The following LSM1 variants were observed in gnomAD, a reference collection of about 807,000 sequenced individuals.
The protein encoded by LSM1 is U6 snRNA-associated Sm-like protein LSm1.
In LSM1, 13 loss-of-function variants were observed where a neutral mutation model predicts 18.0. The observed-to-expected ratio is 0.72, with a 90% confidence interval of 0.47 to 1.15. The LOEUF is 1.15. Ranked by LOEUF, LSM1 falls within the 50% of genes most tolerant of loss-of-function variation. The probability of loss-of-function intolerance (pLI) is 0.00; values close to 1 mark genes in which losing one functional copy is unlikely to be tolerated. For missense variants in LSM1, 152 were observed against 157.7 expected, an observed-to-expected ratio of 0.96 and a Z score of 0.19; for synonymous variants, 46 against 56.0, an observed-to-expected ratio of 0.82 and a Z score of 0.80.
rs1280526506 is a variant in LSM1 at position 38,176,457 on chromosome 8, T to A, written c.-137A>T. 2.9e-6 allele frequency: 2 copies of A among 688,164 alleles called. No individual in the cohort carries two copies. Among genetic ancestry groups the A allele is most frequent in the South Asian group, 3.6e-5 (2 of 55,518 alleles). The allele number at this position is 688,164 out of a possible 1,614,324, so 42.6% of individuals were successfully genotyped here. A position where few individuals can be genotyped will look rare whatever the true frequency, so the allele number is the denominator to read the frequency against. ...CGAGACCAGCACTTCTGCCCCGGCT[T>A]TCAGCCGCCGGGGGCTGCCGGAAGC... is the stretch of plus-strand genomic sequence containing the variant. On this transcript the variant is annotated 5_prime_UTR_variant, in exon 1 of 4. Coordinates refer to ENST00000311351, the MANE Select transcript of LSM1 (RefSeq NM_014462.3).
intron 2 of LSM1, chr8:38,171,087 T>C (rs1803020373): frequency 1.1e-5 from 4 of 378,424 alleles, no homozygotes; most frequent in Non-Finnish European, 2.2e-5. Context: ...AGGCCTCTTA[T>C]TCCAATGTAT....
chr8:38,174,844 G>A (rs1353807861), intron 1 of LSM1, among the ~76,000 whole-genome samples: 1 of 151,706 alleles, frequency 6.6e-6, no homozygotes, highest in Non-Finnish European at 1.5e-5. Context: ...CCAGCATGGC[G>A]AAACCTCGTC....
intron 1 of LSM1, among the ~76,000 whole-genome samples, chr8:38,174,147 A>C (rs1041254129): frequency 6.6e-6 from 1 of 152,218 alleles, no homozygotes; most frequent in African/African-American, 2.4e-5. Context: ...GTGATCAAGA[A>C]ACAGACAAAA....
chr8:38,168,043 G>C (rs908460470), intron 3 of LSM1, among the ~76,000 whole-genome samples: 4 of 151,150 alleles, frequency 2.6e-5, no homozygotes, highest in Non-Finnish European at 2.9e-5. Context: ...CTCACTGCAA[G>C]CTCCGCCTCC....
chr8:38,163,821 T>A lies in LSM1; in HGVS notation c.251A>T (p.Asp84Val), dbSNP rs1802881958. Residue 84 changes from aspartate to valine, a missense_variant, in exon 4 of 4, where the codon GAC becomes GTC. Transcript: ENST00000311351. The stretch of plus-strand genomic sequence containing the variant: ...AATGGATACTTGCTGGAGGGGTGTG[T>A]CACTCTCCTTTTCCAAGTCCTACAA... ...LGEIDLEKES[D>V]TPLQQVSIEE... 1 of 1,614,000 alleles carries A rather than the reference T, an allele frequency of 6.2e-7. No individual in the cohort carries two copies. Among genetic ancestry groups the A allele is most frequent in the South Asian group, 1.1e-5 (1 of 91,080 alleles).
intron 3 of LSM1, among the ~76,000 whole-genome samples, chr8:38,168,122 C>T (rs1206436601): frequency 2.0e-5 from 3 of 151,732 alleles, no homozygotes; most frequent in Non-Finnish European, 2.9e-5. Flanking sequence ...CCACCACACC[C>T]GGCTAACTTT....
At position 38,163,628 on chromosome 8, in the gene LSM1, C is replaced by A; in HGVS notation, c.*42G>T. 6.3e-7 allele frequency: 1 copy of A among 1,586,342 alleles called. No homozygotes were observed. The highest frequency in any genetic ancestry group is 1.8e-4 in the Middle Eastern group (1 of 5,438). ...CCAGGATGTCACTTTCACTCAGTGA[C>A]AGCCCCTACTCTTCAAGAGCCAACA... On this transcript the variant is annotated 3_prime_UTR_variant, in exon 4 of 4. Transcript: ENST00000311351.
chr8:38,163,842 T>C lies in LSM1; in HGVS notation c.232-2A>G, dbSNP rs1294543875. 6.2e-7 allele frequency: 1 copy of C among 1,613,762 alleles called. No homozygotes were observed. Among genetic ancestry groups the C allele is most frequent in the Non-Finnish European group, 8.5e-7 (1 of 1,179,816 alleles). ...TGTGTCACTCTCCTTTTCCAAGTCC[T>C]ACAAAAGAGACAGGTTTGAAAACTT... On this transcript the variant is annotated splice_acceptor_variant, in intron 3 of 3. Transcript: ENST00000311351. LOFTEE classifies it high-confidence loss of function.
In LSM1 at chr8:38,169,881, T is replaced by C; in HGVS notation, c.152A>G (p.His51Arg). 7 of 1,613,750 alleles carry C rather than the reference T, an allele frequency of 4.3e-6. No homozygotes were observed. Among genetic ancestry groups the C allele is most frequent in the Non-Finnish European group, 5.9e-6 (7 of 1,179,708 alleles). ...LVLHQTVERI[H>R]VGKKYGDIPR... ...AATATCACCGTATTTTTTGCCCACA[T>C]GAATACGCTCCACAGTCTGATGTAG... The change falls in exon 3 of 4, where the codon CAT becomes CGT. Residue 51 changes from histidine to arginine, a missense_variant. Transcript: ENST00000311351.
intron 3 of LSM1, chr8:38,165,980 T>A (rs942556640): frequency 2.0e-5 from 3 of 152,346 alleles, no homozygotes; most frequent in Admixed American, 6.5e-5. Context: ...TATTTTTGAA[T>A]GTTTTATAAA....
At chr8:38,167,708 T>A (rs1013001615) in intron 3 of LSM1, among the ~76,000 whole-genome samples, 6 of 152,106 alleles carry the variant, frequency 3.9e-5, no homozygotes, top group African/African-American at 1.4e-4. Context: ...AAAGTATTTT[T>A]AAAAATCATC....
chr8:38,163,494 T>TTA lies in LSM1; in HGVS notation c.*175_*176insTA, dbSNP rs1554504232. On this transcript the variant is annotated 3_prime_UTR_variant, in exon 4 of 4. Coordinates refer to ENST00000311351, the MANE Select transcript of LSM1 (RefSeq NM_014462.3). Reference sequence around the variant, plus strand: ...TTTCTTTAAACAGTGATTTTGTTATTAAAAAAAAAACCCACCTACACGATT... The same window carrying TTA: ...TTTCTTTAAACAGTGATTTTGTTATTTAAAAAAAAAAACCCACCTACACGATT... 1.8e-3 allele frequency: 872 copies of TTA among 481,868 alleles called. No homozygotes were observed. The highest frequency in any genetic ancestry group is 3.0e-3 in the East Asian group (87 of 28,838). 29.8% of individuals were successfully genotyped at this position (481,868 alleles called of 1,614,324 possible). A position where few individuals can be genotyped will look rare whatever the true frequency, so the allele number is the denominator to read the frequency against.
Position 38,163,533 on chromosome 8 carries a change from T to A in LSM1, c.*137A>T. On this transcript the variant is annotated 3_prime_UTR_variant, in exon 4 of 4. Coordinates refer to ENST00000311351, the MANE Select transcript of LSM1 (RefSeq NM_014462.3). ...ACCTACACGATTTCTTCATGTTGCA[T>A]ATGTAAAATAATTAAAAATAAAAGT... The A allele has an allele frequency of 1.4e-6, 1 of 690,548 alleles. No individual in the cohort carries two copies. The highest frequency in any genetic ancestry group is 2.3e-6 in the Non-Finnish European group (1 of 428,306). The allele number at this position is 690,548 out of a possible 1,614,324, so 42.8% of individuals were successfully genotyped here.
At chr8:38,171,473 C>T (rs1334397684) in intron 2 of LSM1, among the ~76,000 whole-genome samples, 1 of 152,194 alleles carries the variant, frequency 6.6e-6, no homozygotes, top group African/African-American at 2.4e-5. Context: ...TTGAAACCAG[C>T]CTGGCCAACA....
At chr8:38,167,234 A>T (rs1269018396) in intron 3 of LSM1, among the ~76,000 whole-genome samples, 1 of 152,250 alleles carries the variant, frequency 6.6e-6, no homozygotes, top group Non-Finnish European at 1.5e-5. Context: ...AAACACGTTC[A>T]CCTCTTTCTC....
In LSM1 at chr8:38,176,328, T is replaced by A. The variant is rs11551205; in HGVS notation, c.-8A>T. 6.2e-7 allele frequency: 1 copy of A among 1,611,366 alleles called. No individual in the cohort carries two copies. The highest frequency in any genetic ancestry group is 8.5e-7 in the Non-Finnish European group (1 of 1,178,692). ...GCCAGGCATATAGTTCATTTTGAACTGAAATAATGCTGCAATGCACAGCGG... is the reference window on the plus strand; with the variant it reads ...GCCAGGCATATAGTTCATTTTGAACAGAAATAATGCTGCAATGCACAGCGG... On this transcript the variant is annotated 5_prime_UTR_variant, in exon 1 of 4. Coordinates refer to ENST00000311351, the MANE Select transcript of LSM1 (RefSeq NM_014462.3).
In LSM1 at chr8:38,170,940, T is replaced by C. The variant is rs1234056575; in HGVS notation, c.116-1023A>G. ...CCATAATCCTTTTAAGTGTTTTAAT[T>C]ACGTTTCTTCCTCATGCTCAAATCC... On this transcript the variant is annotated intron_variant, in intron 2 of 3. Transcript: ENST00000311351. The C allele has an allele frequency of 1.1e-5, 4 of 380,910 alleles. No individual in the cohort carries two copies. In the East Asian group the frequency reaches 2.9e-4, roughly 28 times the overall value. The allele number at this position is 380,910 out of a possible 1,614,324, so 23.6% of individuals were successfully genotyped here.
chr8:38,176,704 C>T, upstream of LSM1: 2 of 874,600 alleles, frequency 2.3e-6, no homozygotes, highest in Non-Finnish European at 3.3e-6. Context: ...GACCTCCGTC[C>T]CTCAGCTTTC....
intron 1 of LSM1, among the ~76,000 whole-genome samples, chr8:38,172,682 A>G (rs1234293258): frequency 1.3e-5 from 2 of 152,196 alleles, no homozygotes; most frequent in Non-Finnish European, 2.9e-5. Context: ...ATATCTGTAA[A>G]TTGACAAATT....
Sources: gnomAD v4.1 joint callset for allele counts (sites outside exome capture counted in the v4.1 genomes callset) on GRCh38, gnomAD v4.1.1 for gene constraint, MANE v1.5 for transcripts, NCBI Gene and HGNC (gene_info 2026-07-23, HGNC 2026-07-21) for gene names.